DAB1: variants seen among roughly 807,000 people sequenced by gnomAD.
DAB1 encodes DAB adaptor protein 1.
DAB1 carries 15 observed loss-of-function variants against 64.6 expected under a neutral mutation model. The ratio of observed to expected loss-of-function variants is 0.23; its 90% CI spans 0.16 to 0.36. DAB1 has a LOEUF of 0.36. Among genes scored for constraint, DAB1 ranks in the 10% least tolerant of loss-of-function variants. The pLI is 1.00. For synonymous variants in DAB1, 235 were observed against 251.9 expected, an observed-to-expected ratio of 0.93 and a Z score of 0.64; for missense variants, 596 against 706.7, an observed-to-expected ratio of 0.84 and a Z score of 1.78.
intron 3 of DAB1, among the ~76,000 whole-genome samples, chr1:58,406,639 G>T (rs541133141): frequency 2.3e-4 from 35 of 152,240 alleles, no homozygotes; most frequent in Admixed American, 1.2e-3. Flanking sequence ...TTCAAGGTCA[G>T]TTCCTCTGGT....
chr1:58,188,744 G>GT (rs560050687), intron 4 of DAB1, among the ~76,000 whole-genome samples: 178 of 152,292 alleles, frequency 1.2e-3, no homozygotes, highest in African/African-American at 4.1e-3. Flanking sequence ...GATGGTGGTG[G>GT]TTATGTATAC....
intron 1 of DAB1, among the ~76,000 whole-genome samples, chr1:57,416,829 G>T (rs1187107278): frequency 6.6e-6 from 1 of 152,008 alleles, no homozygotes; most frequent in African/African-American, 2.4e-5. Flanking sequence ...GAGTTAAAAG[G>T]GACAGCTATA....
chr1:57,652,825 A>G (rs1208761935), intron 6 of DAB1, among the ~76,000 whole-genome samples: 1 of 152,180 alleles, frequency 6.6e-6, no homozygotes, highest in African/African-American at 2.4e-5. Context: ...TAAACACTTA[A>G]TGAGTGTCTG....
intron 1 of DAB1, among the ~76,000 whole-genome samples, chr1:57,870,407 A>C (rs1643923212): frequency 6.6e-6 from 1 of 152,052 alleles, no homozygotes; most frequent in South Asian, 2.1e-4. Flanking sequence ...AGAATGATGG[A>C]GGAAGCATTT....
intron 3 of DAB1, among the ~76,000 whole-genome samples, chr1:58,459,183 G>A (rs889894233): frequency 6.6e-6 from 1 of 152,178 alleles, no homozygotes; most frequent in African/African-American, 2.4e-5. Flanking sequence ...GTGGGCTCAG[G>A]ATTTTGAGCA....
intron 1 of DAB1, among the ~76,000 whole-genome samples, chr1:57,392,190 T>C (rs1023090014): frequency 6.6e-6 from 1 of 152,084 alleles, no homozygotes; most frequent in Non-Finnish European, 1.5e-5. Flanking sequence ...ATGGCCAATA[T>C]GATGAAACTC....
intron 2 of DAB1, among the ~76,000 whole-genome samples, chr1:57,231,750 C>T (rs1667695916): frequency 6.6e-6 from 1 of 152,182 alleles, no homozygotes. Flanking sequence ...AATTCTAAAA[C>T]CTTTTTTCTC....
chr1:57,222,864 T>A (rs1173445551), intron 2 of DAB1, among the ~76,000 whole-genome samples: 2 of 152,198 alleles, frequency 1.3e-5, no homozygotes, highest in East Asian at 3.9e-4. Context: ...CTATATCCAG[T>A]TTAACTTTTC....
intron 1 of DAB1, among the ~76,000 whole-genome samples, chr1:57,302,125 A>G (rs1232158884): frequency 6.6e-6 from 1 of 152,174 alleles, no homozygotes; most frequent in Non-Finnish European, 1.5e-5. Flanking sequence ...TTTTCTCCAC[A>G]AAAGGATCTG....
rs970384997 is a variant in DAB1 at position 57,557,604 on chromosome 1, T to G, written n.625+91988A>C. Among the ~76,000 whole-genome samples, 5 of 152,248 alleles carry G rather than the reference T, an allele frequency of 3.3e-5. No individual in the cohort carries two copies. The South Asian group carries it at 1.0e-3, about 32-fold the overall frequency. ...TCATTGGTTTTGGGGTTTCTGGAGTTGGCTGCTTAATATGATTGACCCCAA... is the reference window on the plus strand; with the variant it reads ...TCATTGGTTTTGGGGTTTCTGGAGTGGGCTGCTTAATATGATTGACCCCAA... On this transcript the variant is annotated intron_variant and non_coding_transcript_variant, in intron 7 of 20. Coordinates refer to the DAB1 transcript ENST00000485760.
chr1:57,432,658 C>T (rs929116252), intron 7 of DAB1, among the ~76,000 whole-genome samples: 3 of 152,132 alleles, frequency 2.0e-5, no homozygotes, highest in Admixed American at 6.5e-5. Flanking sequence ...TGCCAGAAGC[C>T]AACTTCCATT....
intron 4 of DAB1, among the ~76,000 whole-genome samples, chr1:58,176,173 T>A (rs566143286): frequency 6.6e-6 from 1 of 152,298 alleles, no homozygotes; most frequent in South Asian, 2.1e-4. Flanking sequence ...ACAAGGTGGG[T>A]ATGCTCTGTG....
At chr1:57,572,072 C>T (rs945843355) in intron 7 of DAB1, among the ~76,000 whole-genome samples, 2 of 152,152 alleles carry the variant, frequency 1.3e-5, no homozygotes, top group Admixed American at 6.5e-5. Context: ...GTGGCACTAG[C>T]AGTAAAGAAG....
intron 4 of DAB1, among the ~76,000 whole-genome samples, chr1:58,222,393 T>C (rs986615431): frequency 2.6e-5 from 4 of 152,208 alleles, no homozygotes; most frequent in Non-Finnish European, 5.9e-5. Context: ...GCACCAAGCC[T>C]GGGGCTTGTT....
intron 1 of DAB1, among the ~76,000 whole-genome samples, chr1:57,353,814 C>T (rs534376008): frequency 6.6e-6 from 1 of 152,230 alleles, no homozygotes; most frequent in African/African-American, 2.4e-5. Context: ...TCCCCAGAGC[C>T]CCAGGGCCTT....
intron 3 of DAB1, chr1:58,462,914 G>A (rs1645257812): frequency 1.3e-5 from 2 of 152,312 alleles, no homozygotes; most frequent in South Asian, 4.1e-4. Context: ...AGGGACAACT[G>A]TCGTTCTTAT....
chr1:57,445,669 T>C (rs1686112387), intron 7 of DAB1, among the ~76,000 whole-genome samples: 1 of 152,246 alleles, frequency 6.6e-6, no homozygotes, highest in South Asian at 2.1e-4. Flanking sequence ...ACATTTACTA[T>C]ACTACATTTT....
At chr1:57,338,615 G>A (rs550206084) in intron 1 of DAB1, among the ~76,000 whole-genome samples, 160 of 152,264 alleles carry the variant, frequency 1.1e-3, no homozygotes, top group Non-Finnish European at 1.9e-3. Flanking sequence ...AATGGATGTT[G>A]CAAAACCCAT....
chr1:57,856,968 G>C (rs2101935560), intron 1 of DAB1, among the ~76,000 whole-genome samples: 1 of 152,184 alleles, frequency 6.6e-6, no homozygotes, highest in South Asian at 2.1e-4. Flanking sequence ...TTAAAAGGAT[G>C]CTGCCATGAT....
Sources: gnomAD v4.1 joint callset for allele counts (sites outside exome capture counted in the v4.1 genomes callset) on GRCh38, gnomAD v4.1.1 for gene constraint, MANE v1.5 for transcripts, NCBI Gene and HGNC (gene_info 2026-07-23, HGNC 2026-07-21) for gene names.